The following DSCAM variants were observed in gnomAD, a reference collection of about 807,000 sequenced individuals.
The protein encoded by DSCAM is DS cell adhesion molecule, also known as cell adhesion molecule DSCAM.
DSCAM carries 47 observed loss-of-function variants against 217.7 expected under a neutral mutation model. The ratio of observed to expected loss-of-function variants is 0.22; its 90% CI spans 0.17 to 0.28. The LOEUF (loss-of-function observed/expected upper bound fraction) is 0.28. Among genes scored for constraint, DSCAM ranks in the 10% least tolerant of loss-of-function variants. The pLI is 1.00. For missense variants in DSCAM, 2,080 were observed against 2,618.3 expected, an observed-to-expected ratio of 0.79 and a Z score of 4.49; for synonymous variants, 1,056 against 1,015.3, an observed-to-expected ratio of 1.04 and a Z score of -0.76.
At chr21:40,121,458 C>G (rs1568951514) in intron 20 of DSCAM, among the ~76,000 whole-genome samples, 1 of 152,030 alleles carries the variant, frequency 6.6e-6, no homozygotes, top group Non-Finnish European at 1.5e-5. Context: ...GGAGAGGGAA[C>G]TGTTTTTAGT....
chr21:40,632,061 A>G (rs983625436), intron 3 of DSCAM, among the ~76,000 whole-genome samples: 7 of 152,216 alleles, frequency 4.6e-5, no homozygotes, highest in Admixed American at 6.5e-5. Context: ...TGAAGAGGGC[A>G]TCCTTTTACA....
chr21:40,712,884 A>T (rs1180587360), intron 1 of DSCAM, among the ~76,000 whole-genome samples: 4 of 152,114 alleles, frequency 2.6e-5, no homozygotes, highest in Non-Finnish European at 5.9e-5. Context: ...ATATAGAGAG[A>T]TGCTTACAAA....
chr21:40,147,135 A>G (rs189488926), intron 16 of DSCAM, among the ~76,000 whole-genome samples: 1 of 152,342 alleles, frequency 6.6e-6, no homozygotes, highest in Admixed American at 6.5e-5. Context: ...TGAGGCTTTA[A>G]GCCTCCCTAA....
intron 2 of DSCAM, among the ~76,000 whole-genome samples, 178 bp from the exon 3 acceptor site, chr21:40,693,134 C>A (rs2090556653): frequency 6.6e-6 from 1 of 152,204 alleles, no homozygotes; most frequent in African/African-American, 2.4e-5. Flanking sequence ...AGAAAACATT[C>A]ATTCCCTTAA....
At chr21:40,695,341 C>A (rs2090584503) in intron 2 of DSCAM, among the ~76,000 whole-genome samples, 1 of 152,098 alleles carries the variant, frequency 6.6e-6, no homozygotes, top group African/African-American at 2.4e-5. Flanking sequence ...TGTTACCACC[C>A]AATGTCCAGT....
intron 11 of DSCAM, among the ~76,000 whole-genome samples, chr21:40,261,340 G>T (rs927815033): frequency 1.3e-5 from 2 of 152,174 alleles, no homozygotes; most frequent in African/African-American, 2.4e-5. Flanking sequence ...GTGTTTCTGG[G>T]CAAGATTAAA....
intron 1 of DSCAM, among the ~76,000 whole-genome samples, chr21:40,751,648 T>C (rs1341629714): frequency 6.6e-6 from 1 of 152,134 alleles, no homozygotes; most frequent in East Asian, 1.9e-4. Flanking sequence ...ACAAAGAACA[T>C]TGAGGATTAG....
chr21:40,733,895 A>T (rs2091037343), intron 1 of DSCAM, among the ~76,000 whole-genome samples: 1 of 152,168 alleles, frequency 6.6e-6, no homozygotes, highest in African/African-American at 2.4e-5. Flanking sequence ...TGTCAAGCTC[A>T]GACTTTGTCA....
At position 40,330,315 on chromosome 21, in the gene DSCAM, TTATA is replaced by T. The variant is rs1460214189; in HGVS notation, c.1783+7782_1783+7785del. ...TATGCATATATTTATATATAATAAA[TTATA>T]TATTTATTATATTATATGCATATAT... On this transcript the variant is annotated intron_variant, in intron 8 of 32. Transcript: ENST00000400454. Among the ~76,000 whole-genome samples the T allele has an allele frequency of 3.4e-5, 5 of 147,006 alleles. No individual in the cohort carries two copies. The Admixed American group carries it at 3.4e-4, about 10-fold the overall frequency.
chr21:40,468,546 G>C (rs950419527), intron 3 of DSCAM, among the ~76,000 whole-genome samples: 1 of 152,096 alleles, frequency 6.6e-6, no homozygotes, highest in African/African-American at 2.4e-5. Context: ...ATTGGGGAGG[G>C]GGAGGCCTCA....
chr21:40,465,779 T>C (rs1011777698), intron 3 of DSCAM, among the ~76,000 whole-genome samples: 2 of 152,180 alleles, frequency 1.3e-5, no homozygotes, highest in African/African-American at 2.4e-5. Flanking sequence ...AATAAAATTA[T>C]ATTCTCTCTC....
chr21:40,668,421 C>T (rs187158157), intron 3 of DSCAM, among the ~76,000 whole-genome samples: 2 of 152,190 alleles, frequency 1.3e-5, no homozygotes, highest in Non-Finnish European at 2.9e-5. Flanking sequence ...ATGCTGGAGC[C>T]CAAGCCCAGA....
At chr21:40,421,873 T>C (rs1298482215) in intron 3 of DSCAM, among the ~76,000 whole-genome samples, 1 of 152,202 alleles carries the variant, frequency 6.6e-6, no homozygotes, top group East Asian at 1.9e-4. Flanking sequence ...GGAGGGTGCT[T>C]AGAAGAGGTC....
At position 40,722,587 on chromosome 21, in the gene DSCAM, C is replaced by T. The variant is rs539461004; in HGVS notation, c.44-13816G>A. ...ACAATTTAAAAAATACTCCATTAAT[C>T]CAAAAGAAGGCAAGAAAGAGAAAAA... On this transcript the variant is annotated intron_variant, in intron 1 of 32. Transcript: ENST00000400454. Among the ~76,000 whole-genome samples, 3 of 151,830 alleles carry T rather than the reference C, an allele frequency of 2.0e-5. No homozygotes were observed. In the East Asian group the frequency reaches 5.8e-4, roughly 29 times the overall value.
intron 1 of DSCAM, among the ~76,000 whole-genome samples, chr21:40,722,183 A>G (rs34052063): frequency 0.024 from 3,588 of 152,268 alleles, 58 homozygotes; most frequent in Non-Finnish European, 0.034. Flanking sequence ...TCTTTCAGGA[A>G]GAAAAGAAAT....
chr21:40,324,857 G>C (rs558707650), intron 8 of DSCAM, among the ~76,000 whole-genome samples: 113 of 152,234 alleles, frequency 7.4e-4, no homozygotes, highest in African/African-American at 2.5e-3. Context: ...TTAGAGAAAA[G>C]TGTCATCTAG....
At chr21:40,655,155 G>C (rs1320286412) in intron 3 of DSCAM, among the ~76,000 whole-genome samples, 1 of 152,168 alleles carries the variant, frequency 6.6e-6, no homozygotes, top group African/African-American at 2.4e-5. Context: ...ACAGCAACTA[G>C]ACATATTAGG....
intron 1 of DSCAM, among the ~76,000 whole-genome samples, chr21:40,809,181 C>G (rs1237777895): frequency 1.3e-5 from 2 of 152,126 alleles, no homozygotes; most frequent in African/African-American, 2.4e-5. Flanking sequence ...CAGGTCAGCA[C>G]AGCCACCACC....
intron 1 of DSCAM, among the ~76,000 whole-genome samples, chr21:40,780,441 A>ATATATATATATATC (rs1407749651): frequency 7.1e-6 from 1 of 141,318 alleles, no homozygotes; most frequent in Non-Finnish European, 1.6e-5. Context: ...ATATATATAT[A>ATATATATATATATC]TATATATCTC....
Sources: allele counts gnomAD v4.1 joint callset (sites outside exome capture counted in the v4.1 genomes callset), GRCh38; gene constraint gnomAD v4.1.1; transcripts MANE v1.5; gene names NCBI Gene and HGNC (gene_info 2026-07-23, HGNC 2026-07-21).